Variants in PTBP1 observed in about 807,000 individuals in gnomAD.
PTBP1 encodes polypyrimidine tract-binding protein 1.
In PTBP1, 8 loss-of-function variants were observed where a neutral mutation model predicts 59.8. That is an observed-to-expected ratio of 0.13 (90% CI 0.08 to 0.24). The LOEUF (loss-of-function observed/expected upper bound fraction) is 0.24, where lower values mean the gene tolerates loss of function less well. Ranked by LOEUF, PTBP1 falls within the 10% of genes least tolerant of loss-of-function variation. The pLI is 1.00. For missense variants in PTBP1, 686 were observed against 767.0 expected, an observed-to-expected ratio of 0.89 and a Z score of 1.25; for synonymous variants, 490 against 320.7, an observed-to-expected ratio of 1.53 and a Z score of -5.64.
At chr19:805,404 C>A (rs1209273344) in intron 8 of PTBP1, 88 bp from the exon 9 acceptor site, 1 of 1,384,660 alleles carries the variant, frequency 7.2e-7, no homozygotes. Context: ...GGGCCGCCCG[C>A]CGGCCGGGTT....
chr19:797,842 T>C (rs1304482817), intron 1 of PTBP1, among the ~76,000 whole-genome samples: 1 of 148,094 alleles, frequency 6.8e-6, no homozygotes, highest in Non-Finnish European at 1.5e-5. Context: ...CCGCTTCCCG[T>C]CCGGCCCTCG....
In PTBP1 at chr19:808,978, GCTCCC is replaced by G. The variant is rs1445840104; in HGVS notation, c.1463+217_1463+221del. On this transcript the variant is annotated intron_variant, in intron 13 of 14. Transcript: ENST00000356948. This position sits in a 1 kb window ranked among gnomAD's most constrained non-coding sequence, Gnocchi z 4.7. ...CTTTGGAGGTTTTGGCTCAGGGGAT[GCTCCC>G]TGTGAGAATGTATAATGCACACATT... is the stretch of plus-strand genomic sequence containing the variant. Among the ~76,000 whole-genome samples the G allele has an allele frequency of 4.6e-5, 7 of 152,138 alleles. No homozygotes were observed. Among genetic ancestry groups the G allele is most frequent in the Non-Finnish European group, 1.0e-4 (7 of 68,016 alleles).
intron 13 of PTBP1, 74 bp from the exon 14 acceptor site, chr19:810,469 G>GGAAA (rs768582852): frequency 1.7e-5 from 22 of 1,329,630 alleles, no homozygotes; most frequent in Non-Finnish European, 2.2e-5. Context: ...ACTAGTCTGG[G>GGAAA]GAAAGCCTCG....
intron 2 of PTBP1, among the ~76,000 whole-genome samples, chr19:801,880 C>A (rs2034351954): frequency 6.6e-6 from 1 of 152,196 alleles, no homozygotes; most frequent in Non-Finnish European, 1.5e-5. Flanking sequence ...GGGCCCCAGA[C>A]TCTGAAAGCG....
Position 804,452 on chromosome 19 carries a change from C to A in PTBP1, c.435+14C>A. ...CCCAACCAGGCGGTGCGTGGCCCCG[C>A]GGCGGACCCCAGCAGCCCGGGGACC... On this transcript the variant is annotated intron_variant, in intron 5 of 14. Transcript: ENST00000356948. 1 of 1,607,560 alleles carries A rather than the reference C, an allele frequency of 6.2e-7. No homozygotes were observed. The highest frequency in any genetic ancestry group is 8.5e-7 in the Non-Finnish European group (1 of 1,179,080).
At chr19:800,332 G>A (rs568394889) in intron 2 of PTBP1, among the ~76,000 whole-genome samples, 5 of 152,270 alleles carry the variant, frequency 3.3e-5, no homozygotes, top group Admixed American at 2.0e-4. Flanking sequence ...CGTCTCTGGG[G>A]TGTGCGAATC....
At position 811,912 on chromosome 19, in the gene PTBP1, C is replaced by T. The variant is rs1239391959; in HGVS notation, c.*1086C>T. ...GCCTCTGATGCTGGGACCCGGAAGG[C>T]GGGCGCTCCTCCTGTCTTCTCTGTG... On this transcript the variant is annotated 3_prime_UTR_variant, in exon 15 of 15. Coordinates refer to ENST00000356948, the MANE Select transcript of PTBP1 (RefSeq NM_002819.5). The T allele has an allele frequency of 7.8e-6, 1 of 128,208 alleles. No homozygotes were observed. Among genetic ancestry groups the T allele is most frequent in the African/African-American group, 2.7e-5 (1 of 37,434 alleles). 7.9% of individuals were successfully genotyped at this position (128,208 alleles called of 1,614,324 possible).
intron 2 of PTBP1, 56 bp from the exon 3 acceptor site, chr19:803,504 GA>G: frequency 1.3e-6 from 2 of 1,497,164 alleles, no homozygotes; most frequent in Non-Finnish European, 1.9e-6. Flanking sequence ...GGCCGGTGGG[GA>G]AGGGAGGCTC....
At chr19:802,792 G>A (rs1460037951) in intron 2 of PTBP1, among the ~76,000 whole-genome samples, 1 of 152,200 alleles carries the variant, frequency 6.6e-6, no homozygotes, top group African/African-American at 2.4e-5. Context: ...CTGCCGTCCT[G>A]AGCCTAGGAT....
Position 811,344 on chromosome 19 carries a change from T to G in PTBP1, c.*518T>G, listed in dbSNP as rs1046960579. 1.3e-5 allele frequency: 2 copies of G among 152,378 alleles called. No homozygotes were observed. Among genetic ancestry groups the G allele is most frequent in the African/African-American group, 4.8e-5 (2 of 41,434 alleles). 9.4% of individuals were successfully genotyped at this position (152,378 alleles called of 1,614,324 possible). ...GCCCTCTAATCAAGTCACGTGATTCTCCCTTCACCCCGCCCCCAGGGCCTT... is the reference window on the plus strand; with the variant it reads ...GCCCTCTAATCAAGTCACGTGATTCGCCCTTCACCCCGCCCCCAGGGCCTT... On this transcript the variant is annotated 3_prime_UTR_variant, in exon 15 of 15. Coordinates refer to ENST00000356948, the MANE Select transcript of PTBP1 (RefSeq NM_002819.5).
intron 2 of PTBP1, among the ~76,000 whole-genome samples, chr19:801,230 G>A (rs188004376): frequency 1.3e-5 from 2 of 152,296 alleles, no homozygotes; most frequent in East Asian, 3.9e-4. Flanking sequence ...CCCTCCTGGG[G>A]TACCTGGCAG....
At chr19:809,310 T>G (rs972706827) in intron 13 of PTBP1, among the ~76,000 whole-genome samples, 2 of 145,320 alleles carry the variant, frequency 1.4e-5, no homozygotes, top group Non-Finnish European at 3.0e-5. Flanking sequence ...CTAGCCACAT[T>G]TATTTATTTA....
chr19:805,140 C>A lies in PTBP1; in HGVS notation c.845C>A (p.Ser282Tyr). 2.5e-6 allele frequency: 4 copies of A among 1,613,768 alleles called. No homozygotes were observed. Among genetic ancestry groups the A allele is most frequent in the Non-Finnish European group, 2.5e-6 (3 of 1,179,878 alleles). Residue 282 changes from serine to tyrosine, a missense_variant, in exon 8 of 15, where the codon TCC becomes TAC. Ser to Tyr is a moderately radical substitution (Grantham distance 144). Coordinates refer to ENST00000356948, the MANE Select transcript of PTBP1 (RefSeq NM_002819.5). ...GACTACACACGCCCAGACCTGCCTT[C>A]CGGGGACAGCCAGCCCTCGCTGGAC... ...SRDYTRPDLP[S>Y]GDSQPSLDQT...
chr19:806,263 C>A, intron 9 of PTBP1, 145 bp from the exon 10 acceptor site: 2 of 948,118 alleles, frequency 2.1e-6, no homozygotes, highest in Non-Finnish European at 2.9e-6. Flanking sequence ...CGGACGACCC[C>A]ACAGGCACCC....
chr19:800,759 G>A (rs1222575303), intron 2 of PTBP1, among the ~76,000 whole-genome samples: 1 of 152,228 alleles, frequency 6.6e-6, no homozygotes, highest in Non-Finnish European at 1.5e-5. Context: ...ATCCCTAGAT[G>A]TGTCTGGCTT....
chr19:802,361 A>G (rs1349172714), intron 2 of PTBP1, among the ~76,000 whole-genome samples: 1 of 140,460 alleles, frequency 7.1e-6, no homozygotes, highest in Admixed American at 7.7e-5. Context: ...GACCAAGCGC[A>G]GGCTCGGGGA....
At chr19:798,263 G>A (rs1034185940) in intron 1 of PTBP1, among the ~76,000 whole-genome samples, 1 of 152,082 alleles carries the variant, frequency 6.6e-6, no homozygotes, top group African/African-American at 2.4e-5. Context: ...TCGGGCCGGG[G>A]CAGCCTTTCC....
Position 808,493 on chromosome 19 carries a change from C to G in PTBP1, c.1246+41C>G. The G allele has an allele frequency of 1.3e-6, 2 of 1,540,128 alleles. No individual in the cohort carries two copies. Among genetic ancestry groups the G allele is most frequent in the Non-Finnish European group, 1.8e-6 (2 of 1,136,558 alleles). ...GGCCCCGGGGTGGAGGGGGCAGGGG[C>G]GGGGGCTGCGTTCCCTCTCGGGCGC... On this transcript the variant is annotated intron_variant, in intron 12 of 14. Coordinates refer to ENST00000356948, the MANE Select transcript of PTBP1 (RefSeq NM_002819.5). The surrounding 1 kb of genome is among the most constrained non-coding windows in gnomAD (Gnocchi z 4.7).
In PTBP1 at chr19:811,483, T is replaced by C. The variant is rs2034871235; in HGVS notation, c.*657T>C. 1 of 152,514 alleles carries C rather than the reference T, an allele frequency of 6.6e-6. No homozygotes were observed. The highest frequency in any genetic ancestry group is 2.4e-5 in the African/African-American group (1 of 41,474). 9.4% of individuals were successfully genotyped at this position (152,514 alleles called of 1,614,324 possible). ...GTCTGTGCCTAGCAATATTTCCAGT[T>C]GACCAAATATTCTAATCTTTTTTCA... is the stretch of plus-strand genomic sequence containing the variant. On this transcript the variant is annotated 3_prime_UTR_variant, in exon 15 of 15. Transcript: ENST00000356948.
Sources: gnomAD v4.1 joint callset for allele counts (sites outside exome capture counted in the v4.1 genomes callset) on GRCh38, gnomAD v4.1.1 for gene constraint, Gnocchi (gnomAD v3.1) non-coding constraint, MANE v1.5 for transcripts, NCBI Gene and HGNC (gene_info 2026-07-23, HGNC 2026-07-21) for gene names.